Variants in POU2F1 observed in about 807,000 individuals in gnomAD.
POU2F1 encodes the protein POU class 2 homeobox 1.
A neutral mutation model predicts 84.9 loss-of-function variants in POU2F1; 16 were observed. That is an observed-to-expected ratio of 0.19 (90% CI 0.13 to 0.29). POU2F1 has a LOEUF of 0.29. Ranked by LOEUF, POU2F1 falls within the 10% of genes least tolerant of loss-of-function variation. The pLI is 1.00. For synonymous variants in POU2F1, 368 were observed against 368.3 expected (o/e 1.00, Z 0.01); for missense variants, 738 against 942.6 (o/e 0.78, Z 2.84).
intron 15 of POU2F1, 52 bp from the exon 16 acceptor site, chr1:167,415,448 G>A (rs965708483): frequency 7.7e-6 from 12 of 1,563,050 alleles, no homozygotes; most frequent in South Asian, 2.3e-5. Context: ...GCTTCTCCAG[G>A]ATGATGTTAA....
At position 167,424,351 on chromosome 1, in the gene POU2F1, G is replaced by A. The variant is rs560422351; in HGVS notation, c.*8541G>A. 4 of 152,370 alleles carry A rather than the reference G, an allele frequency of 2.6e-5. No individual in the cohort carries two copies. The highest frequency in any genetic ancestry group is 2.1e-4 in the South Asian group (1 of 4,830). The allele number at this position is 152,370 out of a possible 1,614,324, so 9.4% of individuals were successfully genotyped here. ...AAGACTTCCAGCTTCTTACCTCTGCGTGCATGGGCACGTGTGCATTGCTCA... is the reference window on the plus strand; with the variant it reads ...AAGACTTCCAGCTTCTTACCTCTGCATGCATGGGCACGTGTGCATTGCTCA... On this transcript the variant is annotated 3_prime_UTR_variant, in exon 16 of 16. Coordinates refer to ENST00000367866, the MANE Select transcript of POU2F1 (RefSeq NM_002697.4).
intron 2 of POU2F1, among the ~76,000 whole-genome samples, chr1:167,350,457 A>C (rs776214161): frequency 1.3e-5 from 2 of 152,192 alleles, no homozygotes; most frequent in Non-Finnish European, 2.9e-5. Context: ...CTATAGTAAC[A>C]AATGTATTTC....
chr1:167,334,743 AATT>A (rs1657324892), intron 2 of POU2F1, among the ~76,000 whole-genome samples: 1 of 152,246 alleles, frequency 6.6e-6, no homozygotes, highest in Non-Finnish European at 1.5e-5. Context: ...TTATTTAGAT[AATT>A]GTATGCTTAC....
chr1:167,258,104 A>T (rs1651283477), intron 1 of POU2F1, among the ~76,000 whole-genome samples: 1 of 152,194 alleles, frequency 6.6e-6, no homozygotes, highest in Admixed American at 6.5e-5. Context: ...CATGTGTGTC[A>T]CCGCTGAGAT....
chr1:167,296,625 T>C (rs879633898), intron 1 of POU2F1, among the ~76,000 whole-genome samples: 1 of 152,176 alleles, frequency 6.6e-6, no homozygotes, highest in Non-Finnish European at 1.5e-5. Context: ...TAAAATTCTT[T>C]TAATAAAAAT....
intron 1 of POU2F1, among the ~76,000 whole-genome samples, chr1:167,330,209 T>G (rs796464426): frequency 2.0e-5 from 3 of 152,302 alleles, no homozygotes; most frequent in African/African-American, 4.8e-5. Context: ...CATTTAAAAC[T>G]TTTGCAAATG....
intron 3 of POU2F1, among the ~76,000 whole-genome samples, chr1:167,368,185 T>C (rs1326116633): frequency 6.6e-6 from 1 of 152,212 alleles, no homozygotes; most frequent in East Asian, 1.9e-4. Flanking sequence ...TTCCTCAGCA[T>C]GTCTTTGTCT....
intron 1 of POU2F1, among the ~76,000 whole-genome samples, chr1:167,271,399 A>G (rs1451032173): frequency 6.6e-6 from 1 of 152,222 alleles, no homozygotes; most frequent in Non-Finnish European, 1.5e-5. Context: ...CGAACTGCCA[A>G]GACTTCACAG....
chr1:167,248,257 T>A (rs1179959754), intron 1 of POU2F1, among the ~76,000 whole-genome samples: 1 of 152,230 alleles, frequency 6.6e-6, no homozygotes, highest in Non-Finnish European at 1.5e-5. Flanking sequence ...AGTTAGTAGA[T>A]GAACTTAATG....
intron 2 of POU2F1, among the ~76,000 whole-genome samples, chr1:167,347,832 A>G (rs1658300406): frequency 6.6e-6 from 1 of 152,158 alleles, no homozygotes; most frequent in African/African-American, 2.4e-5. Flanking sequence ...TAATGTTTTC[A>G]AGGTTCATTC....
intron 1 of POU2F1, among the ~76,000 whole-genome samples, chr1:167,254,388 A>C (rs187800917): frequency 6.6e-6 from 1 of 152,324 alleles, no homozygotes; most frequent in East Asian, 1.9e-4. Flanking sequence ...TTACTAGTAC[A>C]ACTAAACTAG....
intron 13 of POU2F1, among the ~76,000 whole-genome samples, chr1:167,407,043 TA>T (rs1557965247): frequency 2.9e-5 from 1 of 34,418 alleles, no homozygotes; most frequent in Non-Finnish European, 1.4e-4. Flanking sequence ...TATATTTTAT[TA>T]TTATTATTAT....
At chr1:167,386,311 C>T (rs1647975927) in intron 8 of POU2F1, among the ~76,000 whole-genome samples, 1 of 152,192 alleles carries the variant, frequency 6.6e-6, no homozygotes, top group South Asian at 2.1e-4. Context: ...CCTCCCGCAT[C>T]AGCCTCCTGA....
intron 15 of POU2F1, 53 bp from the exon 16 acceptor site, chr1:167,415,447 G>GGAT: frequency 6.4e-7 from 1 of 1,562,480 alleles, no homozygotes; most frequent in Non-Finnish European, 8.7e-7. Context: ...GGCTTCTCCA[G>GGAT]GATGATGTTA....
rs144336318 is a variant in POU2F1 at position 167,314,066 on chromosome 1, G to A, written c.62-18404G>A. On this transcript the variant is annotated intron_variant, in intron 1 of 15. Transcript: ENST00000367866. The stretch of plus-strand genomic sequence containing the variant: ...ACAAAAATATTAGCTGGGCATGGTG[G>A]CATGCACCTGTAATCCCAGCTACTT... Among the ~76,000 whole-genome samples, 383 of 152,158 alleles carry A rather than the reference G, an allele frequency of 2.5e-3. 1 individual carries two copies. The highest frequency in any genetic ancestry group is 8.8e-3 in the African/African-American group (364 of 41,504).
At chr1:167,390,048 A>G (rs1648284350) in intron 9 of POU2F1, among the ~76,000 whole-genome samples, 1 of 152,258 alleles carries the variant, frequency 6.6e-6, no homozygotes, top group African/African-American at 2.4e-5. Flanking sequence ...GTTATATACA[A>G]ATATACATTT....
chr1:167,281,441 A>G (rs1455918212), intron 1 of POU2F1, among the ~76,000 whole-genome samples: 1 of 152,268 alleles, frequency 6.6e-6, no homozygotes, highest in Non-Finnish European at 1.5e-5. Context: ...TAATTCAGCA[A>G]CTGACGGTTT....
At chr1:167,404,547 G>A (rs1226638860) in intron 13 of POU2F1, among the ~76,000 whole-genome samples, 2 of 152,122 alleles carry the variant, frequency 1.3e-5, no homozygotes, top group South Asian at 4.1e-4. Flanking sequence ...AATCCTTAGC[G>A]TTCCATAGTC....
At chr1:167,237,562 A>G (rs1164926547) in intron 1 of POU2F1, among the ~76,000 whole-genome samples, 3 of 151,942 alleles carry the variant, frequency 2.0e-5, no homozygotes, top group African/African-American at 7.3e-5. Context: ...TGTGACTTAC[A>G]TGGTAAGCTT....
Sources: gnomAD v4.1 joint callset for allele counts (sites outside exome capture counted in the v4.1 genomes callset) on GRCh38, gnomAD v4.1.1 for gene constraint, MANE v1.5 for transcripts, NCBI Gene and HGNC (gene_info 2026-07-23, HGNC 2026-07-21) for gene names.